GTPBP6: variants seen among roughly 807,000 people sequenced by gnomAD.
The protein encoded by GTPBP6 is GTP binding protein 6.
In GTPBP6, 33 loss-of-function variants were observed where a neutral mutation model predicts 28.9. The ratio of observed to expected loss-of-function variants is 1.14; its 90% confidence interval spans 0.87 to 1.53. The LOEUF (loss-of-function observed/expected upper bound fraction) is 1.53. Among genes scored for constraint, GTPBP6 ranks in the 40% most tolerant of loss-of-function variants. The pLI is 0.00. For missense variants in GTPBP6, 507 were observed against 408.3 expected (o/e 1.24, Z -2.08); for synonymous variants, 231 against 192.7 (o/e 1.20, Z -1.65).
chrX:310,705 C>G (rs904908214), intron 7 of GTPBP6, among the ~76,000 whole-genome samples: 5 of 151,998 alleles, frequency 3.3e-5, no homozygotes, highest in African/African-American at 1.2e-4. Flanking sequence ...GCCTGGAGCC[C>G]CCAGGAGCTG....
intron 9 of GTPBP6, 36 bp downstream of exon 9, chrX:307,324 G>C: frequency 1.2e-6 from 2 of 1,601,768 alleles, no homozygotes; most frequent in Admixed American, 1.7e-5. Flanking sequence ...GGCATCCAAA[G>C]CACCATCCCG....
chrX:314,941 C>G (rs1415745623), exon 4 of GTPBP6: 3 of 398,726 alleles, frequency 7.5e-6, no homozygotes, highest in Non-Finnish European at 1.3e-5. Flanking sequence ...CTCCTTCGTG[C>G]GGGCGTTACA....
chrX:308,709 A>T (rs1036987264), intron 7 of GTPBP6, among the ~76,000 whole-genome samples: 6 of 150,684 alleles, frequency 4.0e-5, no homozygotes, highest in African/African-American at 1.5e-4. Context: ...CAAAAAAAAT[A>T]ATTTCATCCC....
intron 9 of GTPBP6, among the ~76,000 whole-genome samples, chrX:306,220 GCGCAGATTAGGCACC>G (rs1261976769): frequency 3.2e-4 from 48 of 151,724 alleles, no homozygotes; most frequent in African/African-American, 1.1e-3. Context: ...TGACTGTCAA[GCGCAGATTAGGCACC>G]TGTTGTATGC....
In GTPBP6 at chrX:307,525, G is replaced by A; in HGVS notation, c.1275-13C>T. On this transcript the variant is annotated splice_polypyrimidine_tract_variant and intron_variant, in intron 8 of 9. Coordinates refer to ENST00000326153, the Ensembl canonical transcript of GTPBP6. ...CGTGGGGCTGTACCTGCAAGGGTGGGGATGTCACAGGCCCCGCTCAGCGTC... is the reference window on the plus strand; with the variant it reads ...CGTGGGGCTGTACCTGCAAGGGTGGAGATGTCACAGGCCCCGCTCAGCGTC... 1 of 1,609,950 alleles carries A rather than the reference G, an allele frequency of 6.2e-7. No homozygotes were observed. Among genetic ancestry groups the A allele is most frequent in the Non-Finnish European group, 8.5e-7 (1 of 1,179,054 alleles).
chrX:312,968 A>G, intron 5 of GTPBP6, 44 bp from the exon 6 acceptor site: 1 of 1,572,824 alleles, frequency 6.4e-7, no homozygotes, highest in Non-Finnish European at 8.7e-7. Flanking sequence ...CACGCCGGGA[A>G]AGGCACAAGT....
chrX:306,579 C>T (rs1569346020), intron 9 of GTPBP6, among the ~76,000 whole-genome samples: 1 of 150,288 alleles, frequency 6.7e-6, no homozygotes, highest in African/African-American at 2.5e-5. Context: ...TGTATTTTTA[C>T]TGTCAAGCAC....
intron 9 of GTPBP6, 89 bp downstream of exon 9, chrX:307,271 C>A: frequency 8.1e-7 from 1 of 1,232,634 alleles, no homozygotes; most frequent in Non-Finnish European, 1.2e-6. Flanking sequence ...GATCTCACAG[C>A]TCCTTGTGCA....
intron 1 of GTPBP6, among the ~76,000 whole-genome samples, chrX:317,732 CGG>C (rs2070466303): frequency 3.8e-5 from 5 of 132,778 alleles, no homozygotes; most frequent in African/African-American, 8.5e-5. Flanking sequence ...CCCCACCCCA[CGG>C]ACCCCACGGG....
chrX:314,667 G>A (rs1417166940), intron 4 of GTPBP6, among the ~76,000 whole-genome samples: 109 of 152,046 alleles, frequency 7.2e-4, no homozygotes, highest in African/African-American at 2.4e-3. Context: ...TAGTACAGAC[G>A]GGGTTTCACC....
chrX:306,270 T>C (rs937682130), intron 9 of GTPBP6, among the ~76,000 whole-genome samples: 1 of 147,816 alleles, frequency 6.8e-6, no homozygotes, highest in Non-Finnish European at 1.5e-5. Flanking sequence ...ATTTTGACTG[T>C]CAGCACAGAT....
At chrX:312,716 A>C (rs1414825724) in intron 6 of GTPBP6, 50 bp downstream of exon 6, 1 of 1,172,730 alleles carries the variant, frequency 8.5e-7, no homozygotes, top group Non-Finnish European at 1.2e-6. Flanking sequence ...GCGAGTCCTC[A>C]CCGGTGACAC....
exon 10 of GTPBP6, chrX:304,969 G>A: frequency 1.3e-6 from 2 of 1,522,530 alleles, no homozygotes; most frequent in South Asian, 1.3e-5. Context: ...ACCAGACAAG[G>A]AGGACCCTGC....
chrX:317,725 C>CCACGG (rs2070465806), intron 1 of GTPBP6, among the ~76,000 whole-genome samples: 6 of 122,660 alleles, frequency 4.9e-5, no homozygotes, highest in Non-Finnish European at 9.1e-5. Flanking sequence ...CACCCCACCC[C>CCACGG]ACCCCACGGA....
chrX:317,198 C>T (rs1349520382), intron 1 of GTPBP6, 147 bp from the exon 2 acceptor site: 2 of 397,350 alleles, frequency 5.0e-6, no homozygotes, highest in African/African-American at 2.1e-5. Context: ...ATGACTTCGT[C>T]CCCCCAGGGC....
intron 4 of GTPBP6, 45 bp downstream of exon 4, chrX:314,845 G>A (rs1426480326): frequency 1.8e-4 from 73 of 399,942 alleles, no homozygotes; most frequent in African/African-American, 5.9e-4. Context: ...GAGGGGTTCC[G>A]GGAGTGGACG....
At chrX:305,004 AAC>A (rs1401196335) in exon 10 of GTPBP6, 12 of 1,583,314 alleles carry the variant, frequency 7.6e-6, no homozygotes, top group African/African-American at 1.3e-5. Flanking sequence ...AGCTGCCCCC[AAC>A]ACAGCGGTAA....
chrX:310,391 G>T (rs1419727286), intron 7 of GTPBP6, among the ~76,000 whole-genome samples: 1 of 131,284 alleles, frequency 7.6e-6, no homozygotes, highest in African/African-American at 3.4e-5. Flanking sequence ...AGGCAGGAAG[G>T]ACCCTCCCCT....
At chrX:317,942 G>C (rs1221571751) in intron 1 of GTPBP6, among the ~76,000 whole-genome samples, 1 of 123,276 alleles carries the variant, frequency 8.1e-6, no homozygotes, top group Admixed American at 9.1e-5. Context: ...CCTCCCTTCA[G>C]AGCCCCGCCC....
Sources: allele counts gnomAD v4.1 joint callset (sites outside exome capture counted in the v4.1 genomes callset), GRCh38; gene constraint gnomAD v4.1.1; transcripts MANE v1.5; gene names NCBI Gene and HGNC (gene_info 2026-07-23, HGNC 2026-07-21).